The following CNTNAP2 variants were observed in gnomAD, a reference collection of about 807,000 sequenced individuals.
CNTNAP2 encodes contactin-associated protein-like 2.
A neutral mutation model predicts 155.2 loss-of-function variants in CNTNAP2; 98 were observed. The observed-to-expected ratio is 0.63, with a 90% CI of 0.54 to 0.75. The LOEUF (loss-of-function observed/expected upper bound fraction) is 0.75, where lower values mean the gene tolerates loss of function less well. Among genes scored for constraint, CNTNAP2 ranks in the 30% least tolerant of loss-of-function variants. The probability of loss-of-function intolerance (pLI) is 0.00; values close to 1 mark genes in which losing one functional copy is unlikely to be tolerated. For missense variants in CNTNAP2, 1,727 were observed against 1,688.1 expected, an observed-to-expected ratio of 1.02 and a Z score of -0.40; for synonymous variants, 651 against 631.2, an observed-to-expected ratio of 1.03 and a Z score of -0.47.
At chr7:147,619,774 C>T (rs1801358347) in intron 12 of CNTNAP2, among the ~76,000 whole-genome samples, 1 of 152,306 alleles carries the variant, frequency 6.6e-6, no homozygotes, top group Non-Finnish European at 1.5e-5. Context: ...AAGGGAAGGA[C>T]ATAGGCCTGG....
intron 1 of CNTNAP2, among the ~76,000 whole-genome samples, chr7:146,770,541 T>C (rs544807360): frequency 1.3e-5 from 2 of 152,160 alleles, no homozygotes; most frequent in Admixed American, 1.3e-4. Context: ...CTGATAATAA[T>C]TTTGCAGTCA....
At chr7:147,177,485 A>G (rs1802373799) in intron 8 of CNTNAP2, among the ~76,000 whole-genome samples, 1 of 152,138 alleles carries the variant, frequency 6.6e-6, no homozygotes, top group Non-Finnish European at 1.5e-5. Context: ...TGAGTCCATT[A>G]AACCTCTTTT....
At chr7:146,716,973 C>T (rs1255193442) in intron 1 of CNTNAP2, among the ~76,000 whole-genome samples, 1 of 152,074 alleles carries the variant, frequency 6.6e-6, no homozygotes. Flanking sequence ...TTCAAGAAGA[C>T]AGACTCTCAT....
intron 3 of CNTNAP2, among the ~76,000 whole-genome samples, chr7:146,863,834 T>C (rs1323835614): frequency 6.6e-6 from 1 of 152,124 alleles, no homozygotes; most frequent in Non-Finnish European, 1.5e-5. Context: ...GTTGCTATTA[T>C]ATAATGAAAA....
chr7:147,500,069 G>T (rs1273758809), intron 11 of CNTNAP2, among the ~76,000 whole-genome samples: 4 of 149,522 alleles, frequency 2.7e-5, no homozygotes, highest in Non-Finnish European at 5.9e-5. Context: ...TTTTTTCCAT[G>T]TAAAACCAGA....
chr7:148,124,259 T>C (rs556482580), intron 16 of CNTNAP2, among the ~76,000 whole-genome samples: 13 of 152,234 alleles, frequency 8.5e-5, no homozygotes, highest in Admixed American at 2.6e-4. Context: ...TTTGTTGTTG[T>C]TGTTGTGTGT....
intron 1 of CNTNAP2, among the ~76,000 whole-genome samples, chr7:146,660,552 C>A (rs552257072): frequency 6.6e-6 from 1 of 152,140 alleles, no homozygotes; most frequent in Non-Finnish European, 1.5e-5. Context: ...CAATAAATAG[C>A]AGATGTTTTA....
intron 4 of CNTNAP2, chr7:147,085,600 G>C (rs944707506): frequency 6.6e-6 from 1 of 152,138 alleles, no homozygotes; most frequent in Non-Finnish European, 1.5e-5. Context: ...GCTGCCATAG[G>C]TGATATCTCT....
At chr7:147,558,507 G>A (rs1363681330) in intron 11 of CNTNAP2, among the ~76,000 whole-genome samples, 3 of 152,038 alleles carry the variant, frequency 2.0e-5, no homozygotes, top group African/African-American at 4.8e-5. Flanking sequence ...AAGTCTTTGG[G>A]GTGAAATCCA....
chr7:147,808,848 G>A (rs996590422), intron 13 of CNTNAP2, among the ~76,000 whole-genome samples: 1 of 152,096 alleles, frequency 6.6e-6, no homozygotes, highest in Non-Finnish European at 1.5e-5. Context: ...TTTTGACTAT[G>A]GTTAGGAATA....
intron 8 of CNTNAP2, among the ~76,000 whole-genome samples, chr7:147,265,771 G>T (rs917837866): frequency 6.6e-6 from 1 of 152,066 alleles, no homozygotes; most frequent in Non-Finnish European, 1.5e-5. Context: ...GCATCCGGTC[G>T]GTGCCCCTTG....
chr7:148,055,667 G>A (rs894133038), intron 15 of CNTNAP2, among the ~76,000 whole-genome samples: 7 of 152,240 alleles, frequency 4.6e-5, no homozygotes, highest in African/African-American at 1.7e-4. Flanking sequence ...GTCCTGTTTT[G>A]TCCCACTCAA....
chr7:147,769,311 T>A (rs1197422808), intron 13 of CNTNAP2, among the ~76,000 whole-genome samples: 1 of 152,122 alleles, frequency 6.6e-6, no homozygotes, highest in African/African-American at 2.4e-5. Flanking sequence ...ACATACTATG[T>A]TCGCTGGGAG....
chr7:146,927,667 A>C (rs1005284752), intron 3 of CNTNAP2, among the ~76,000 whole-genome samples: 1 of 152,076 alleles, frequency 6.6e-6, no homozygotes, highest in African/African-American at 2.4e-5. Context: ...ATTTTTAAGA[A>C]GAAATTGTTT....
rs369853592 is a variant in CNTNAP2, at chr7:146,832,250, A to G, written c.209-7461A>G. ...CATTATAGGCTTAAACTCATGTTACATATTATTTTCAATGTTCAGAAGGTC... is the reference window on the plus strand; with the variant it reads ...CATTATAGGCTTAAACTCATGTTACGTATTATTTTCAATGTTCAGAAGGTC... On this transcript the variant is annotated intron_variant, in intron 2 of 23. Transcript: ENST00000361727. 2.4e-4 allele frequency among the ~76,000 whole-genome samples: 37 copies of G among 152,254 alleles called. 1 individual carries two copies. In the East Asian group the frequency reaches 4.4e-3, roughly 18 times the overall value.
intron 18 of CNTNAP2, among the ~76,000 whole-genome samples, chr7:148,203,059 G>A (rs1795392063): frequency 1.3e-5 from 2 of 151,962 alleles, no homozygotes; most frequent in African/African-American, 2.4e-5. Flanking sequence ...TTACTTCTTG[G>A]TTTCCTTGAG....
At chr7:146,974,491 C>G (rs754864452) in intron 3 of CNTNAP2, among the ~76,000 whole-genome samples, 23 of 151,792 alleles carry the variant, frequency 1.5e-4, no homozygotes, top group Admixed American at 5.3e-4. Flanking sequence ...ACTTATTTAC[C>G]TTTAACTATA....
intron 22 of CNTNAP2, among the ~76,000 whole-genome samples, chr7:148,389,475 C>T (rs921652787): frequency 3.3e-5 from 5 of 152,210 alleles, no homozygotes; most frequent in African/African-American, 1.2e-4. Context: ...CATTAAACCT[C>T]TTTCCTGTAT....
intron 1 of CNTNAP2, among the ~76,000 whole-genome samples, chr7:146,632,461 G>T (rs546996987): frequency 2.0e-5 from 3 of 151,818 alleles, no homozygotes; most frequent in Non-Finnish European, 4.4e-5. Context: ...TTTTAAAATC[G>T]ATTTAGACTT....
Sources: allele counts gnomAD v4.1 joint callset (sites outside exome capture counted in the v4.1 genomes callset), GRCh38; gene constraint gnomAD v4.1.1; transcripts MANE v1.5; gene names NCBI Gene and HGNC (gene_info 2026-07-23, HGNC 2026-07-21).